The following ZNF277 variants were observed in gnomAD, a reference collection of about 807,000 sequenced individuals.
ZNF277 encodes the protein nuclear receptor-interacting factor 4.
Under a neutral mutation model 60.7 loss-of-function variants are expected in ZNF277, and 55 were observed. That is an observed-to-expected ratio of 0.91 (90% CI 0.73 to 1.13). The LOEUF (loss-of-function observed/expected upper bound fraction) is 1.13, where lower values mean the gene tolerates loss of function less well. Ranked by LOEUF, ZNF277 falls within the 50% of genes most tolerant of loss-of-function variation. The pLI, the probability that ZNF277 is intolerant of heterozygous loss-of-function variation, is 0.00. For missense variants in ZNF277, 510 were observed against 523.0 expected (o/e 0.98, Z 0.24); for synonymous variants, 178 against 179.3 (o/e 0.99, Z 0.06).
rs77524820 is a variant in ZNF277 at position 112,320,317 on chromosome 7, C to T, written c.557+2044C>T. On this transcript the variant is annotated intron_variant, in intron 5 of 11. Coordinates refer to ENST00000361822, the MANE Select transcript of ZNF277 (RefSeq NM_021994.3). ...TTATGCCATTGTTCTGTAGTAAATGCACATTTTTTTAAAATAACCAGTGAG... is the reference window on the plus strand; with the variant it reads ...TTATGCCATTGTTCTGTAGTAAATGTACATTTTTTTAAAATAACCAGTGAG... Among the ~76,000 whole-genome samples, 1,430 of 152,122 alleles carry T rather than the reference C, an allele frequency of 9.4e-3. 18 individuals carry two copies. The highest frequency in any genetic ancestry group is 0.032 in the African/African-American group (1,340 of 41,500).
At chr7:112,274,669 T>C (rs1791752100) in intron 1 of ZNF277, among the ~76,000 whole-genome samples, 1 of 152,188 alleles carries the variant, frequency 6.6e-6, no homozygotes. Flanking sequence ...TTAATTATAA[T>C]AGGGGGCATC....
rs915840383 is a variant in ZNF277 at position 112,342,465 on chromosome 7, G to A, written c.1185-96G>A. On this transcript the variant is annotated intron_variant, in intron 11 of 11. Transcript: ENST00000361822. ...AAAATGCTATGAAATTGTTGGCAAG[G>A]ATACCTGACAAAATTATAGTAAATG... The A allele has an allele frequency of 4.7e-5, 51 of 1,091,686 alleles. No homozygotes were observed. The African/African-American group carries it at 7.8e-4, about 17-fold the overall frequency. 67.6% of individuals were successfully genotyped at this position (1,091,686 alleles called of 1,614,324 possible). A position where few individuals can be genotyped will look rare whatever the true frequency, so the allele number is the denominator to read the frequency against.
At chr7:112,237,462 C>T (rs997060012) in intron 1 of ZNF277, among the ~76,000 whole-genome samples, 1 of 151,932 alleles carries the variant, frequency 6.6e-6, no homozygotes, top group African/African-American at 2.4e-5. Context: ...TCATAGACTG[C>T]TCAATAGGCT....
intron 7 of ZNF277, among the ~76,000 whole-genome samples, chr7:112,335,661 A>G (rs974021217): frequency 4.6e-5 from 7 of 152,138 alleles, no homozygotes; most frequent in African/African-American, 1.7e-4. Context: ...TTTATTTCTA[A>G]CAAATTGAAT....
intron 1 of ZNF277, 117 bp downstream of exon 1, chr7:112,206,924 G>A: frequency 2.0e-6 from 2 of 999,900 alleles, no homozygotes; most frequent in Non-Finnish European, 2.8e-6. Context: ...ACCTGGGTTC[G>A]ACTGGGCCCC....
intron 1 of ZNF277, among the ~76,000 whole-genome samples, chr7:112,215,017 A>G (rs1184078050): frequency 6.6e-6 from 1 of 152,214 alleles, no homozygotes; most frequent in Non-Finnish European, 1.5e-5. Context: ...AGTATGTTAA[A>G]GCACTCTATG....
intron 5 of ZNF277, among the ~76,000 whole-genome samples, chr7:112,327,104 T>C (rs1175847322): frequency 1.3e-5 from 2 of 152,232 alleles, no homozygotes; most frequent in Admixed American, 1.3e-4. Flanking sequence ...TTGTATTTTC[T>C]GTTAGGCAGT....
chr7:112,240,328 T>C (rs550417285), intron 1 of ZNF277, among the ~76,000 whole-genome samples: 3 of 152,184 alleles, frequency 2.0e-5, no homozygotes, highest in Non-Finnish European at 4.4e-5. Flanking sequence ...TACAAAAATA[T>C]AGTAAGATTG....
chr7:112,318,420 A>G (rs1383861386), intron 5 of ZNF277, 147 bp downstream of exon 5: 4 of 630,694 alleles, frequency 6.3e-6, no homozygotes, highest in South Asian at 2.2e-5. Flanking sequence ...AATATACCCA[A>G]CGTCCAAGAT....
intron 4 of ZNF277, among the ~76,000 whole-genome samples, chr7:112,296,922 T>TA (rs1219564990): frequency 6.9e-5 from 5 of 72,554 alleles, no homozygotes; most frequent in South Asian, 5.7e-4. Context: ...ATTTTTTTTT[T>TA]TTTTTTTTTT....
intron 1 of ZNF277, among the ~76,000 whole-genome samples, chr7:112,227,425 A>T (rs889449123): frequency 3.9e-5 from 6 of 152,170 alleles, no homozygotes; most frequent in African/African-American, 1.4e-4. Flanking sequence ...AGATTTATGG[A>T]CAGAAAACAG....
At position 112,329,982 on chromosome 7, in the gene ZNF277, G is replaced by A. The variant is rs1170873686; in HGVS notation, c.669-102G>A. On this transcript the variant is annotated intron_variant, in intron 6 of 11. Coordinates refer to ENST00000361822, the MANE Select transcript of ZNF277 (RefSeq NM_021994.3). Reference sequence around the variant, plus strand: ...ATGGTATATCCCATTTGAAGATGCTGTGTAACCTAAAATGAATAAATATGA... The same window carrying A: ...ATGGTATATCCCATTTGAAGATGCTATGTAACCTAAAATGAATAAATATGA... The A allele has an allele frequency of 2.3e-6, 3 of 1,333,230 alleles. 1 individual carries two copies. Among genetic ancestry groups the A allele is most frequent in the South Asian group, 3.0e-5 (2 of 66,520 alleles). The allele number at this position is 1,333,230 out of a possible 1,614,324, so 82.6% of individuals were successfully genotyped here. A position where few individuals can be genotyped will look rare whatever the true frequency, so the allele number is the denominator to read the frequency against.
intron 1 of ZNF277, among the ~76,000 whole-genome samples, chr7:112,274,038 ATG>A (rs145535033): frequency 0.045 from 6,524 of 145,276 alleles, 331 homozygotes; most frequent in African/African-American, 0.13. Context: ...AATATATAGT[ATG>A]AGATATATAT....
chr7:112,289,779 C>T (rs981841629), intron 2 of ZNF277, among the ~76,000 whole-genome samples: 1 of 152,078 alleles, frequency 6.6e-6, no homozygotes, highest in African/African-American at 2.4e-5. Flanking sequence ...GGCTGGAGTG[C>T]AGTGGCACGA....
intron 1 of ZNF277, among the ~76,000 whole-genome samples, chr7:112,269,965 A>G (rs1178605138): frequency 2.0e-5 from 3 of 152,128 alleles, no homozygotes; most frequent in Non-Finnish European, 4.4e-5. Flanking sequence ...CACAATAAGA[A>G]TAATAGAGAT....
At chr7:112,291,020 A>T (rs992074196) in intron 2 of ZNF277, among the ~76,000 whole-genome samples, 10 of 152,210 alleles carry the variant, frequency 6.6e-5, no homozygotes, top group African/African-American at 2.2e-4. Flanking sequence ...GAAGTAAGCT[A>T]TAAGTTTTCA....
chr7:112,211,612 C>A (rs1821751773), intron 1 of ZNF277, among the ~76,000 whole-genome samples: 4 of 152,214 alleles, frequency 2.6e-5, no homozygotes, highest in Admixed American at 2.6e-4. Context: ...CTCCTTTAAT[C>A]CACATTGTAA....
At chr7:112,237,985 G>A (rs1339704872) in intron 1 of ZNF277, among the ~76,000 whole-genome samples, 4 of 152,124 alleles carry the variant, frequency 2.6e-5, no homozygotes, top group Non-Finnish European at 5.9e-5. Flanking sequence ...AACACCACCT[G>A]CAGAGGAGGC....
At chr7:112,305,229 A>C (rs1792562577) in intron 4 of ZNF277, among the ~76,000 whole-genome samples, 1 of 152,062 alleles carries the variant, frequency 6.6e-6, no homozygotes. Context: ...CTTAAAAATA[A>C]TAATAATAAT....
Sources: allele counts gnomAD v4.1 joint callset (sites outside exome capture counted in the v4.1 genomes callset), GRCh38; gene constraint gnomAD v4.1.1; transcripts MANE v1.5; gene names NCBI Gene and HGNC (gene_info 2026-07-23, HGNC 2026-07-21).